TENM2: variants seen among roughly 807,000 people sequenced by gnomAD.
TENM2 encodes teneurin-2.
TENM2 carries 52 observed loss-of-function variants against 245.2 expected under a neutral mutation model. That is an observed-to-expected ratio of 0.21 (90% confidence interval 0.17 to 0.27). The LOEUF (loss-of-function observed/expected upper bound fraction) is 0.27, where lower values mean the gene tolerates loss of function less well. Ranked by LOEUF, TENM2 falls within the 10% of genes least tolerant of loss-of-function variation. TENM2 has a pLI of 1.00. For synonymous variants in TENM2, 1,363 were observed against 1,438.9 expected (o/e 0.95, Z 1.19); for missense variants, 3,046 against 3,666.8 (o/e 0.83, Z 4.37).
At chr5:167,634,401 G>A (rs1649939311) in intron 2 of TENM2, among the ~76,000 whole-genome samples, 1 of 151,956 alleles carries the variant, frequency 6.6e-6, no homozygotes, top group South Asian at 2.1e-4. Flanking sequence ...TAAAAGAATT[G>A]CAGTTATTTA....
intron 2 of TENM2, among the ~76,000 whole-genome samples, chr5:167,422,666 G>A (rs1763581098): frequency 6.6e-6 from 1 of 152,166 alleles, no homozygotes; most frequent in Non-Finnish European, 1.5e-5. Context: ...GATAGCAACA[G>A]TCTATTTGAT....
At chr5:167,885,840 C>T (rs555140428) in intron 3 of TENM2, among the ~76,000 whole-genome samples, 3 of 152,274 alleles carry the variant, frequency 2.0e-5, no homozygotes, top group East Asian at 1.9e-4. Flanking sequence ...TGTGCCACCA[C>T]GCCCAGCTAA....
At chr5:167,613,699 T>G (rs1268110083) in intron 2 of TENM2, among the ~76,000 whole-genome samples, 5 of 152,126 alleles carry the variant, frequency 3.3e-5, no homozygotes, top group Non-Finnish European at 5.9e-5. Flanking sequence ...ACAGTTGGTT[T>G]TTAAAACATA....
At chr5:167,064,585 T>C in the TENM2 span, among the ~76,000 whole-genome samples, 1 of 152,202 alleles carries the variant, frequency 6.6e-6, no homozygotes, top group Non-Finnish European at 1.5e-5. Context: ...CAAAAGTCGT[T>C]GCCTTCTAAG....
rs565011657 is a variant in TENM2, at chr5:167,447,086, C to A, written c.502+71613C>A. Among the ~76,000 whole-genome samples the A allele has an allele frequency of 2.6e-5, 4 of 152,190 alleles. No homozygotes were observed. The South Asian group carries it at 8.3e-4, about 32-fold the overall frequency. On this transcript the variant is annotated intron_variant, in intron 2 of 28. Transcript: ENST00000518659. Reference sequence around the variant, plus strand: ...TTGGGGTTTTCAGATTTGGAATGTTCCAAACTGTATAACAAATGACTGAGT... The same window carrying A: ...TTGGGGTTTTCAGATTTGGAATGTTACAAACTGTATAACAAATGACTGAGT...
intron 23 of TENM2, among the ~76,000 whole-genome samples, chr5:168,219,824 CAA>C (rs70976468): frequency 2.2e-4 from 11 of 49,816 alleles, no homozygotes; most frequent in South Asian, 1.3e-3. Flanking sequence ...GTTGGCACAG[CAA>C]AAAAAAAAAA....
chr5:167,348,352 T>C (rs1389788889), intron 1 of TENM2, among the ~76,000 whole-genome samples: 1 of 152,144 alleles, frequency 6.6e-6, no homozygotes, highest in Non-Finnish European at 1.5e-5. Context: ...TATTTGTGCA[T>C]GAAGAAAGGA....
chr5:167,944,906 A>T (rs1410712043), intron 3 of TENM2, among the ~76,000 whole-genome samples: 1 of 152,174 alleles, frequency 6.6e-6, no homozygotes, highest in Non-Finnish European at 1.5e-5. Context: ...CAACCAAAAA[A>T]CAAACAAAGA....
chr5:168,034,131 A>ATG (rs1787426148), intron 5 of TENM2, among the ~76,000 whole-genome samples: 1 of 106,878 alleles, frequency 9.4e-6, no homozygotes, highest in African/African-American at 3.2e-5. Context: ...GTATATATAT[A>ATG]TATGTATACA....
chr5:167,517,019 A>C (rs1434561566), intron 2 of TENM2, among the ~76,000 whole-genome samples: 1 of 152,228 alleles, frequency 6.6e-6, no homozygotes, highest in Non-Finnish European at 1.5e-5. Context: ...TGTGAATTTT[A>C]ACCAACTTTT....
At chr5:167,445,365 A>T (rs73801223) in intron 2 of TENM2, among the ~76,000 whole-genome samples, 3,316 of 129,920 alleles carry the variant, frequency 0.026, 61 homozygotes, top group Non-Finnish European at 0.036. Flanking sequence ...AGAGAGAGAG[A>T]GAGAGTGTCA....
At chr5:167,444,256 A>T (rs979010392) in intron 2 of TENM2, among the ~76,000 whole-genome samples, 2 of 150,054 alleles carry the variant, frequency 1.3e-5, no homozygotes, top group African/African-American at 4.9e-5. Context: ...ATATGTCTCA[A>T]AGTCATACAC....
intron 3 of TENM2, among the ~76,000 whole-genome samples, chr5:167,907,232 C>CAAATAAAT (rs10650485): frequency 0.028 from 4,203 of 148,126 alleles, 177 homozygotes; most frequent in African/African-American, 0.089. Context: ...AACTCCGTCT[C>CAAATAAAT]AAATAAATAA....
At chr5:167,244,921 T>G in the TENM2 span, among the ~76,000 whole-genome samples, 3 of 152,038 alleles carry the variant, frequency 2.0e-5, no homozygotes, top group Non-Finnish European at 4.4e-5. Context: ...GAAGTAAGAT[T>G]TATCACGGCT....
intron 3 of TENM2, among the ~76,000 whole-genome samples, chr5:167,882,199 A>G (rs867010197): frequency 3.3e-5 from 5 of 152,194 alleles, no homozygotes; most frequent in Middle Eastern, 3.2e-3. Flanking sequence ...GATTTCTTAA[A>G]ACGAAATACA....
chr5:167,288,104 A>G (rs950518497), intron 1 of TENM2, among the ~76,000 whole-genome samples: 4 of 152,114 alleles, frequency 2.6e-5, no homozygotes, highest in South Asian at 2.1e-4. Flanking sequence ...AATGTGATAT[A>G]CAAGACATTC....
rs1187707960 is a variant in TENM2, at chr5:167,777,676, A to C, written c.503-98310A>C. 3.9e-5 allele frequency among the ~76,000 whole-genome samples: 6 copies of C among 152,268 alleles called. No homozygotes were observed. In the East Asian group the frequency reaches 1.2e-3, roughly 29 times the overall value. ...ACAGCCAGGGTTGTTGTGAAGATCA[A>C]ATAAAGCACATAAAAATCTTAGAAG... On this transcript the variant is annotated intron_variant, in intron 2 of 28. Coordinates refer to ENST00000518659, the Ensembl canonical transcript of TENM2.
At position 167,982,556 on chromosome 5, in the gene TENM2, T is replaced by A. The variant is rs117813304; in HGVS notation, c.948-10388T>A. 1.2e-4 allele frequency among the ~76,000 whole-genome samples: 19 copies of A among 152,282 alleles called. No homozygotes were observed. The East Asian group carries it at 3.7e-3, about 29-fold the overall frequency. ...TTCAGCCCTTCCAATAGTTCTGGGA[T>A]GTAAATATTGCTATTGTCTCTATTT... On this transcript the variant is annotated intron_variant, in intron 4 of 28. Transcript: ENST00000518659.
At chr5:167,536,918 G>A (rs1562036247) in intron 2 of TENM2, among the ~76,000 whole-genome samples, 1 of 152,088 alleles carries the variant, frequency 6.6e-6, no homozygotes, top group Admixed American at 6.6e-5. Context: ...CAGCTACTTG[G>A]GAGGCTGAGG....
Sources: allele counts gnomAD v4.1 joint callset (sites outside exome capture counted in the v4.1 genomes callset), GRCh38; gene constraint gnomAD v4.1.1; transcripts MANE v1.5; gene names NCBI Gene and HGNC (gene_info 2026-07-23, HGNC 2026-07-21).